Variants in GRID2 observed in about 807,000 individuals in gnomAD.
GRID2 encodes the protein glutamate receptor ionotropic, delta-2.
In GRID2, 33 loss-of-function variants were observed where a neutral mutation model predicts 114.8. That is an observed-to-expected ratio of 0.29 (90% CI 0.22 to 0.38). The LOEUF is 0.38. Among genes scored for constraint, GRID2 ranks in the 10% least tolerant of loss-of-function variants. GRID2 has a pLI of 1.00. For missense variants in GRID2, 1,184 were observed against 1,257.7 expected, an observed-to-expected ratio of 0.94 and a Z score of 0.89; for synonymous variants, 505 against 449.9, an observed-to-expected ratio of 1.12 and a Z score of -1.55.
intron 14 of GRID2, among the ~76,000 whole-genome samples, chr4:93,644,070 G>A (rs1456936972): frequency 1.3e-5 from 1 of 78,152 alleles, no homozygotes; most frequent in Non-Finnish European, 2.5e-5. Flanking sequence ...GGAGTGACCC[G>A]ATTTTCCAGG....
At chr4:93,517,048 A>G (rs1349786604) in intron 13 of GRID2, among the ~76,000 whole-genome samples, 1 of 152,036 alleles carries the variant, frequency 6.6e-6, no homozygotes, top group East Asian at 1.9e-4. Context: ...ATGTATAAAC[A>G]TAACTAGCTA....
At chr4:93,350,192 T>G (rs553095424) in intron 8 of GRID2, among the ~76,000 whole-genome samples, 1 of 152,234 alleles carries the variant, frequency 6.6e-6, no homozygotes, top group African/African-American at 2.4e-5. Flanking sequence ...AAAACACCCA[T>G]CTACCACTGC....
At chr4:92,500,182 T>C (rs956877445) in intron 1 of GRID2, among the ~76,000 whole-genome samples, 1 of 152,102 alleles carries the variant, frequency 6.6e-6, no homozygotes, top group Non-Finnish European at 1.5e-5. Flanking sequence ...TTTTAAATCT[T>C]TTATCCAGTA....
chr4:93,338,400 G>T (rs925917160), intron 8 of GRID2, among the ~76,000 whole-genome samples: 2 of 152,154 alleles, frequency 1.3e-5, no homozygotes, highest in Admixed American at 6.6e-5. Flanking sequence ...AGCGAAGCAT[G>T]CAGTTGGGAG....
intron 14 of GRID2, among the ~76,000 whole-genome samples, chr4:93,710,003 A>G (rs1017996617): frequency 6.6e-6 from 1 of 152,144 alleles, no homozygotes; most frequent in Non-Finnish European, 1.5e-5. Flanking sequence ...GAACTTCCTT[A>G]AAACAGCCAT....
At chr4:92,513,452 T>C (rs1724351450) in intron 1 of GRID2, among the ~76,000 whole-genome samples, 1 of 151,884 alleles carries the variant, frequency 6.6e-6, no homozygotes, top group African/African-American at 2.4e-5. Flanking sequence ...TTCAAAGTCT[T>C]TGCACACAGG....
At chr4:92,881,134 C>T (rs1414850132) in intron 2 of GRID2, among the ~76,000 whole-genome samples, 2 of 152,092 alleles carry the variant, frequency 1.3e-5, no homozygotes, top group Admixed American at 1.3e-4. Flanking sequence ...AAAGCCTGAC[C>T]TCAGGTGATC....
At chr4:93,068,654 G>A (rs1170365825) in intron 2 of GRID2, among the ~76,000 whole-genome samples, 1 of 150,576 alleles carries the variant, frequency 6.6e-6, no homozygotes, top group Non-Finnish European at 1.5e-5. Context: ...ATATCCACAA[G>A]AAACATAATT....
intron 9 of GRID2, among the ~76,000 whole-genome samples, chr4:93,398,981 G>T (rs1765623708): frequency 6.6e-6 from 1 of 151,706 alleles, no homozygotes; most frequent in African/African-American, 2.4e-5. Flanking sequence ...ATATGGCCTT[G>T]CAAGCTTCTT....
At chr4:93,475,495 G>A (rs946083257) in intron 11 of GRID2, among the ~76,000 whole-genome samples, 1 of 152,044 alleles carries the variant, frequency 6.6e-6, no homozygotes, top group Admixed American at 6.6e-5. Flanking sequence ...ACAGGTTGCT[G>A]GTTTTAAATG....
intron 11 of GRID2, among the ~76,000 whole-genome samples, chr4:93,473,135 GAC>G (rs1725003273): frequency 6.6e-6 from 1 of 151,608 alleles, no homozygotes; most frequent in Non-Finnish European, 1.5e-5. Context: ...GTCTATATAA[GAC>G]TATATTATTT....
At chr4:93,621,865 A>G (rs17357009) in intron 13 of GRID2, among the ~76,000 whole-genome samples, 18,318 of 152,172 alleles carry the variant, frequency 0.12, 1,146 homozygotes, top group Middle Eastern at 0.14. Flanking sequence ...TCTTTGGAAC[A>G]TTAGTATTGC....
chr4:93,381,045 C>T (rs1763804466), intron 8 of GRID2, among the ~76,000 whole-genome samples: 1 of 151,908 alleles, frequency 6.6e-6, no homozygotes, highest in Non-Finnish European at 1.5e-5. Flanking sequence ...CTACCCCAGC[C>T]TTTAAAAAAA....
At chr4:93,552,273 C>A (rs942487614) in intron 13 of GRID2, among the ~76,000 whole-genome samples, 1 of 152,038 alleles carries the variant, frequency 6.6e-6, no homozygotes, top group Non-Finnish European at 1.5e-5. Flanking sequence ...TTAATCCAGT[C>A]TATCATTGTT....
At chr4:93,098,617 G>A (rs1431180919) in intron 3 of GRID2, among the ~76,000 whole-genome samples, 1 of 151,890 alleles carries the variant, frequency 6.6e-6, no homozygotes, top group Non-Finnish European at 1.5e-5. Context: ...TGGAAAAGCT[G>A]GGTAGAACTG....
intron 7 of GRID2, among the ~76,000 whole-genome samples, chr4:93,233,764 C>A (rs1746434418): frequency 6.6e-6 from 1 of 152,088 alleles, no homozygotes; most frequent in Admixed American, 6.6e-5. Flanking sequence ...AATTAAGAGG[C>A]TAATCTTCTT....
rs560600800 is a variant in GRID2 at position 92,442,698 on chromosome 4, C to T, written c.88+137954C>T. On this transcript the variant is annotated intron_variant, in intron 1 of 15. Transcript: ENST00000282020. ...ATTGAGAATAAGATGGCCTTTTGAC[C>T]TTTTAGGGTCTAGGGCTGTAAAGTG... 1.4e-4 allele frequency among the ~76,000 whole-genome samples: 22 copies of T among 151,826 alleles called. No homozygotes were observed. The South Asian group carries it at 4.2e-3, about 29-fold the overall frequency.
chr4:93,135,936 G>T (rs554070613), intron 4 of GRID2, among the ~76,000 whole-genome samples: 1 of 152,160 alleles, frequency 6.6e-6, no homozygotes, highest in South Asian at 2.1e-4. Flanking sequence ...TTTATAAACT[G>T]TGTGGTATGC....
chr4:93,071,109 G>T (rs1728770024), intron 2 of GRID2, among the ~76,000 whole-genome samples: 1 of 152,010 alleles, frequency 6.6e-6, no homozygotes, highest in African/African-American at 2.4e-5. Context: ...CTTATGAAGG[G>T]CAGATTCTTT....
Sources: gnomAD v4.1 joint callset for allele counts (sites outside exome capture counted in the v4.1 genomes callset) on GRCh38, gnomAD v4.1.1 for gene constraint, MANE v1.5 for transcripts, NCBI Gene and HGNC (gene_info 2026-07-23, HGNC 2026-07-21) for gene names.